The following ATP8B1 variants were observed in gnomAD, a reference collection of about 807,000 sequenced individuals.
The protein encoded by ATP8B1 is ATPase phospholipid transporting 8B1.
Under a neutral mutation model 149.9 loss-of-function variants are expected in ATP8B1, and 80 were observed. That is an observed-to-expected ratio of 0.53 (90% CI 0.45 to 0.64). The LOEUF is 0.64. Ranked by LOEUF, ATP8B1 falls within the 30% of genes least tolerant of loss-of-function variation. The pLI is 0.00. For missense variants in ATP8B1, 1,247 were observed against 1,552.6 expected (o/e 0.80, Z 3.31); for synonymous variants, 536 against 562.8 (o/e 0.95, Z 0.67).
In ATP8B1 at chr18:57,647,982, C is replaced by T. The variant is rs1054288138; in HGVS notation, c.*506G>A. ...GATGACAGGCATGAGCCACCATGCC[C>T]GGCCTATTTTTAAATTTTTCTTAAG... On this transcript the variant is annotated 3_prime_UTR_variant, in exon 28 of 28. Coordinates refer to ENST00000648908, the MANE Select transcript of ATP8B1 (RefSeq NM_001374385.1). The T allele has an allele frequency of 1.4e-5, 3 of 220,552 alleles. No homozygotes were observed. Among genetic ancestry groups the T allele is most frequent in the Middle Eastern group, 1.9e-3 (1 of 530 alleles). 13.7% of individuals were successfully genotyped at this position (220,552 alleles called of 1,614,324 possible). A position where few individuals can be genotyped will look rare whatever the true frequency, so the allele number is the denominator to read the frequency against.
At position 57,731,771 on chromosome 18, in the gene ATP8B1, C is replaced by T. The variant is rs747649285; in HGVS notation, c.37G>A (p.Glu13Lys). 86 of 1,613,946 alleles carry T rather than the reference C, an allele frequency of 5.3e-5. 3 individuals are homozygous for T. In the South Asian group the frequency reaches 7.7e-4, roughly 14 times the overall value. Residue 13 changes from glutamate to lysine, a missense_variant, in exon 2 of 28, where the codon GAG becomes AAG. Physicochemically the swap from Glu to Lys is moderately conservative, Grantham distance 56. Transcript: ENST00000648908. ...ACTTCGTCATTAGGCTGAGAATCCT[C>T]GTCAAATGTCGTTTCTGAGTCTCTT... Reference protein sequence around the residue: ...TERDSETTFDEDSQPNDEVVP... With the variant: ...TERDSETTFDKDSQPNDEVVP...
chr18:57,789,988 T>G (rs974537384), intron 1 of ATP8B1, among the ~76,000 whole-genome samples: 5 of 152,176 alleles, frequency 3.3e-5, no homozygotes, highest in Admixed American at 3.3e-4. Flanking sequence ...CGACCACACC[T>G]AGGTGTCCCA....
Position 57,695,208 on chromosome 18 carries a change from C to G in ATP8B1, c.903G>C (p.Arg301Ser). The G allele has an allele frequency of 6.2e-6, 10 of 1,614,090 alleles. No individual in the cohort carries two copies. The highest frequency in any genetic ancestry group is 8.5e-6 in the Non-Finnish European group (10 of 1,180,012). ...DKILLRGCVI[R>S]NTDFCHGLVI... Reference sequence around the variant, plus strand: ...CTAAGCCGTGGCAGAAATCGGTGTTCCTAATTACACAGCCACGTAACAAAA... The same window carrying G: ...CTAAGCCGTGGCAGAAATCGGTGTTGCTAATTACACAGCCACGTAACAAAA... Residue 301 changes from arginine (R) to serine (S), a missense_variant, in exon 10 of 28, where the codon AGG becomes AGC. Around this residue, in one of 3 missense-constraint regions of ATP8B1, gnomAD observed 853 missense variants for 1,035.7 expected, o/e 0.82. Coordinates refer to ENST00000648908, the MANE Select transcript of ATP8B1 (RefSeq NM_001374385.1).
rs371208023 is a variant in ATP8B1 at position 57,690,021 on chromosome 18, AAAACAAACAAACAAC to A, written c.1221-1529_1221-1515del. ...ACAGAGCAAGACTCTGTCTCAAAACAAAACAAACAAACAACAAACAAACAAACAAAAATCAAAGCA... is the reference window on the plus strand; with the variant it reads ...ACAGAGCAAGACTCTGTCTCAAAACAAAACAAACAAACAAAAATCAAAGCA... On this transcript the variant is annotated intron_variant, in intron 12 of 27. Coordinates refer to ENST00000648908, the MANE Select transcript of ATP8B1 (RefSeq NM_001374385.1). Among the ~76,000 whole-genome samples the A allele has an allele frequency of 8.0e-3, 1,212 of 151,854 alleles. 23 individuals carry two copies. The highest frequency in any genetic ancestry group is 0.028 in the African/African-American group (1,158 of 41,152).
chr18:57,794,965 G>A (rs2080498808), intron 1 of ATP8B1, among the ~76,000 whole-genome samples: 1 of 152,098 alleles, frequency 6.6e-6, no homozygotes, highest in South Asian at 2.1e-4. Context: ...GGAAAGCATG[G>A]TAATAAATAC....
chr18:57,695,880 A>T (rs1403113323), intron 8 of ATP8B1, among the ~76,000 whole-genome samples: 6 of 152,218 alleles, frequency 3.9e-5, no homozygotes, highest in Admixed American at 3.9e-4. Context: ...AATCACATTA[A>T]AATGATTCTA....
At chr18:57,795,884 A>C (rs1220938627) in intron 1 of ATP8B1, among the ~76,000 whole-genome samples, 1 of 152,030 alleles carries the variant, frequency 6.6e-6, no homozygotes, top group East Asian at 1.9e-4. Context: ...TTTAAAAAAA[A>C]AAAGTCAGGC....
chr18:57,760,521 C>T (rs1292246041), intron 1 of ATP8B1, among the ~76,000 whole-genome samples: 2 of 152,154 alleles, frequency 1.3e-5, no homozygotes, highest in Admixed American at 1.3e-4. Flanking sequence ...AGGGAAAGAG[C>T]AGCTAGTGGC....
intron 1 of ATP8B1, among the ~76,000 whole-genome samples, chr18:57,746,863 C>T (rs1285033507): frequency 1.3e-5 from 2 of 152,094 alleles, no homozygotes; most frequent in Admixed American, 1.3e-4. Flanking sequence ...TTCATGGAAT[C>T]CACTGTGCAT....
chr18:57,722,863 A>T (rs2079662029), intron 2 of ATP8B1, among the ~76,000 whole-genome samples: 1 of 148,704 alleles, frequency 6.7e-6, no homozygotes. Context: ...AATACTGGCA[A>T]ACCGAATCCA....
At chr18:57,790,311 C>T (rs80115380) in intron 1 of ATP8B1, among the ~76,000 whole-genome samples, 2,065 of 151,828 alleles carry the variant, frequency 0.014, 56 homozygotes, top group African/African-American at 0.049. Flanking sequence ...CCCCCACCCC[C>T]ATCCCCCACC....
At chr18:57,796,238 C>T (rs2080514525) in intron 1 of ATP8B1, among the ~76,000 whole-genome samples, 1 of 152,124 alleles carries the variant, frequency 6.6e-6, no homozygotes, top group African/African-American at 2.4e-5. Flanking sequence ...CATAAGGAAC[C>T]TCTCCTCCTC....
Position 57,652,509 on chromosome 18 carries a change from G to C in ATP8B1, c.3236C>G (p.Ala1079Gly). ...YQSFAVTIAS[A>G]LVITVNFQIG... ...CTGGAAATTGACTGTTATTACAAGA[G>C]CAGAGGCAATGGTGACGGCAAAAGA... The change falls in exon 25 of 28, where the codon GCT becomes GGT. Residue 1079 changes from alanine to glycine, a missense_variant. This residue lies in a region of ATP8B1 where 230 missense variants were observed against 356.6 expected (regional missense o/e 0.65). Transcript: ENST00000648908. 6.2e-7 allele frequency: 1 copy of C among 1,614,192 alleles called. No homozygotes were observed. Among genetic ancestry groups the C allele is most frequent in the Non-Finnish European group, 8.5e-7 (1 of 1,180,038 alleles).
chr18:57,710,092 C>G (rs534433594), intron 2 of ATP8B1, among the ~76,000 whole-genome samples: 12 of 152,074 alleles, frequency 7.9e-5, no homozygotes, highest in African/African-American at 2.9e-4. Flanking sequence ...CCTGCCTCAG[C>G]CTTCAGAGTA....
intron 15 of ATP8B1, among the ~76,000 whole-genome samples, chr18:57,682,623 G>A (rs1313522292): frequency 6.6e-6 from 1 of 152,124 alleles, no homozygotes; most frequent in East Asian, 1.9e-4. Flanking sequence ...TTGGCTTGGT[G>A]AGTCAAATAG....
chr18:57,719,477 C>T (rs1425731762), intron 2 of ATP8B1, among the ~76,000 whole-genome samples: 3 of 152,192 alleles, frequency 2.0e-5, no homozygotes, highest in Admixed American at 1.3e-4. Flanking sequence ...AGTTCCCTTT[C>T]CGAGTCAAAG....
At chr18:57,667,303 A>C in intron 19 of ATP8B1, 136 bp from the exon 20 acceptor site, 1 of 700,092 alleles carries the variant, frequency 1.4e-6, no homozygotes, top group Non-Finnish European at 2.5e-6. Context: ...CTACAGCCTC[A>C]ACCTCCAGGA....
chr18:57,767,183 G>C (rs2080217959), intron 1 of ATP8B1, among the ~76,000 whole-genome samples: 2 of 152,170 alleles, frequency 1.3e-5, no homozygotes, highest in African/African-American at 4.8e-5. Context: ...GAAGCTCTAA[G>C]AACTAAGGTG....
intron 1 of ATP8B1, among the ~76,000 whole-genome samples, chr18:57,766,587 C>G (rs1341265245): frequency 6.6e-6 from 1 of 152,182 alleles, no homozygotes; most frequent in African/African-American, 2.4e-5. Flanking sequence ...TGAAAATCCT[C>G]TGGTGGGCTT....
Sources: gnomAD v4.1 joint callset for allele counts (sites outside exome capture counted in the v4.1 genomes callset) on GRCh38, gnomAD v4.1.1 for gene constraint, gnomAD v4.1.1 regional missense constraint, MANE v1.5 for transcripts, NCBI Gene and HGNC (gene_info 2026-07-23, HGNC 2026-07-21) for gene names.